The following CENPP variants were observed in gnomAD, a reference collection of about 807,000 sequenced individuals.
CENPP encodes centromere protein P.
A neutral mutation model predicts 35.6 loss-of-function variants in CENPP; 24 were observed. The observed-to-expected ratio is 0.67, with a 90% CI of 0.49 to 0.95. The LOEUF is 0.95. Ranked by LOEUF, CENPP falls within the 40% of genes least tolerant of loss-of-function variation. The probability of loss-of-function intolerance (pLI) is 0.00; values close to 1 mark genes in which losing one functional copy is unlikely to be tolerated. For synonymous variants in CENPP, 120 were observed against 125.5 expected (o/e 0.96, Z 0.29); for missense variants, 332 against 345.3 (o/e 0.96, Z 0.31).
At chr9:92,500,543 G>A (rs1191669049) in intron 5 of CENPP, among the ~76,000 whole-genome samples, 2 of 152,154 alleles carry the variant, frequency 1.3e-5, no homozygotes, top group Non-Finnish European at 2.9e-5. Context: ...AGCTTATAAT[G>A]AATCCTCACA....
At position 92,448,942 on chromosome 9, in the gene CENPP, G is replaced by A. The variant is rs190253636; in HGVS notation, c.564+69083G>A. 3.8e-3 allele frequency among the ~76,000 whole-genome samples: 576 copies of A among 152,284 alleles called. 4 individuals are homozygous for A. Among genetic ancestry groups the A allele is most frequent in the African/African-American group, 0.013 (528 of 41,564 alleles). ...CCCAAAAGCACAGTGATAATTTAAG[G>A]AAAGGGAAGATGGAGGGTAGGTTAG... On this transcript the variant is annotated intron_variant, in intron 5 of 7. Transcript: ENST00000375587.
At chr9:92,474,739 GTCCTCA>G (rs2131084082) in intron 5 of CENPP, 2 of 1,511,184 alleles carry the variant, frequency 1.3e-6, no homozygotes, top group Non-Finnish European at 8.9e-7. Flanking sequence ...AAAGAGAGTT[GTCCTCA>G]TCATCATCAT....
chr9:92,437,168 A>G (rs1844265581), intron 5 of CENPP, among the ~76,000 whole-genome samples: 1 of 152,160 alleles, frequency 6.6e-6, no homozygotes, highest in South Asian at 2.1e-4. Flanking sequence ...CACCATTGCA[A>G]TCCAGCCTGG....
intron 5 of CENPP, among the ~76,000 whole-genome samples, chr9:92,475,816 A>G (rs759333737): frequency 2.0e-5 from 3 of 151,980 alleles, no homozygotes; most frequent in Admixed American, 6.6e-5. Flanking sequence ...TTTCTTACTC[A>G]TCTTTCCACT....
chr9:92,490,399 A>G (rs1483008991), intron 5 of CENPP, among the ~76,000 whole-genome samples: 1 of 152,182 alleles, frequency 6.6e-6, no homozygotes. Context: ...ACTTCTTTTC[A>G]TGGGTACTTT....
rs928690401 is a variant in CENPP, at chr9:92,333,761, A to C, written c.289+1410A>C. 3.3e-5 allele frequency among the ~76,000 whole-genome samples: 5 copies of C among 152,026 alleles called. No individual in the cohort carries two copies. The East Asian group carries it at 5.8e-4, about 18-fold the overall frequency. The stretch of plus-strand genomic sequence containing the variant: ...TTATTTTTTCGAGATGGAGTTTTGC[A>C]CTGTCACCCGGGCTGGAGTGCAGTG... On this transcript the variant is annotated intron_variant, in intron 2 of 7. Transcript: ENST00000375587.
chr9:92,386,694 T>G (rs1038585351), intron 5 of CENPP, among the ~76,000 whole-genome samples: 1 of 152,158 alleles, frequency 6.6e-6, no homozygotes, highest in African/African-American at 2.4e-5. Flanking sequence ...CTCTGGAGTT[T>G]CCCATCTCAG....
At chr9:92,388,256 G>C (rs1225768770) in intron 5 of CENPP, among the ~76,000 whole-genome samples, 2 of 150,970 alleles carry the variant, frequency 1.3e-5, no homozygotes, top group African/African-American at 2.4e-5. Context: ...CTGCCTCCCA[G>C]GTTCAAGCAA....
chr9:92,584,220 C>G (rs1331237289), intron 5 of CENPP, among the ~76,000 whole-genome samples: 1 of 152,220 alleles, frequency 6.6e-6, no homozygotes, highest in African/African-American at 2.4e-5. Flanking sequence ...GCAGTGACTC[C>G]CAGCATGCAT....
At chr9:92,416,072 T>G (rs2398750) in intron 5 of CENPP, among the ~76,000 whole-genome samples, 1 of 125,432 alleles carries the variant, frequency 8.0e-6, no homozygotes, top group African/African-American at 3.0e-5. Flanking sequence ...ATATATATAT[T>G]TATTTATTTA....
Position 92,394,425 on chromosome 9 carries a change from G to A in CENPP, c.564+14566G>A, listed in dbSNP as rs901003912. Among the ~76,000 whole-genome samples the A allele has an allele frequency of 6.5e-3, 706 of 109,420 alleles. 4 individuals carry two copies. Among genetic ancestry groups the A allele is most frequent in the African/African-American group, 0.02 (616 of 30,646 alleles). The allele number at this position is 109,420 out of a possible 152,430, so 71.8% of individuals were successfully genotyped here. A position where few individuals can be genotyped will look rare whatever the true frequency, so the allele number is the denominator to read the frequency against. ...ACATGGCTATTTTTTTTTTTTTTTT[G>A]AATTTTTAGTATAGACAAGGTTTCA... On this transcript the variant is annotated intron_variant, in intron 5 of 7. Transcript: ENST00000375587.
chr9:92,544,042 T>C (rs573464632), intron 5 of CENPP, among the ~76,000 whole-genome samples: 2 of 152,368 alleles, frequency 1.3e-5, no homozygotes, highest in African/African-American at 4.8e-5. Context: ...TCTTATCTAA[T>C]TGCTCTGGCT....
intron 3 of CENPP, among the ~76,000 whole-genome samples, chr9:92,345,014 G>A (rs1841245627): frequency 6.6e-6 from 1 of 151,640 alleles, no homozygotes; most frequent in Admixed American, 6.6e-5. Context: ...CACTTTGGGA[G>A]GCTGAGGCAG....
At chr9:92,392,505 C>T (rs575136775) in intron 5 of CENPP, among the ~76,000 whole-genome samples, 2 of 151,960 alleles carry the variant, frequency 1.3e-5, no homozygotes, top group South Asian at 2.1e-4. Context: ...ACCTCAGCTA[C>T]GTGAGAGGCT....
intron 5 of CENPP, among the ~76,000 whole-genome samples, chr9:92,420,758 T>G (rs1468825235): frequency 7.0e-6 from 1 of 142,644 alleles, no homozygotes. Context: ...TTTGTTTTTG[T>G]TTTTTTTTTA....
intron 3 of CENPP, among the ~76,000 whole-genome samples, chr9:92,343,491 A>G (rs925821254): frequency 1.3e-5 from 2 of 152,262 alleles, no homozygotes; most frequent in East Asian, 1.9e-4. Context: ...TTCTGTCCCA[A>G]TGAAATGAAC....
At chr9:92,455,043 C>T (rs937406640) in intron 5 of CENPP, among the ~76,000 whole-genome samples, 2 of 152,182 alleles carry the variant, frequency 1.3e-5, no homozygotes, top group African/African-American at 4.8e-5. Flanking sequence ...CTACCTTCCA[C>T]CACTCCCTGC....
At chr9:92,429,356 A>T (rs1345526295) in intron 5 of CENPP, among the ~76,000 whole-genome samples, 1 of 152,220 alleles carries the variant, frequency 6.6e-6, no homozygotes, top group Admixed American at 6.5e-5. Context: ...TTTTATTAAC[A>T]TAAAAGCATG....
Position 92,615,933 on chromosome 9 carries a change from C to T in CENPP, c.*2784C>T, listed in dbSNP as rs768887403. On this transcript the variant is annotated 3_prime_UTR_variant, in exon 8 of 8. Coordinates refer to ENST00000375587, the MANE Select transcript of CENPP (RefSeq NM_001012267.3). ...CGTACAGTCTTTGAATAATAGTTGA[C>T]GATCTTGCCGTCCAGTTTATACTGA... 6.6e-5 allele frequency: 106 copies of T among 1,614,006 alleles called. No homozygotes were observed. The highest frequency in any genetic ancestry group is 3.8e-4 in the Admixed American group (23 of 60,002).
Sources: allele counts gnomAD v4.1 joint callset (sites outside exome capture counted in the v4.1 genomes callset), GRCh38; gene constraint gnomAD v4.1.1; transcripts MANE v1.5; gene names NCBI Gene and HGNC (gene_info 2026-07-23, HGNC 2026-07-21).